Variants in RGS12 observed in about 807,000 individuals in gnomAD.
The protein encoded by RGS12 is regulator of G protein signaling 12, also known as regulator of G-protein signaling 12.
RGS12 carries 66 observed loss-of-function variants against 120.1 expected under a neutral mutation model. The ratio of observed to expected loss-of-function variants is 0.55; its 90% CI spans 0.45 to 0.67. The LOEUF is 0.67. RGS12 is among the 30% of genes least tolerant of loss of function. The pLI, the probability that RGS12 is intolerant of heterozygous loss-of-function variation, is 0.00. For synonymous variants in RGS12, 827 were observed against 804.7 expected, an observed-to-expected ratio of 1.03 and a Z score of -0.47; for missense variants, 1,859 against 1,957.7, an observed-to-expected ratio of 0.95 and a Z score of 0.95.
At chr4:3,360,243 G>A (rs1715427966) in intron 3 of RGS12, among the ~76,000 whole-genome samples, 1 of 152,112 alleles carries the variant, frequency 6.6e-6, no homozygotes, top group Non-Finnish European at 1.5e-5. Flanking sequence ...AGTAATTTGA[G>A]TCTTCTCTTT....
intron 2 of RGS12, among the ~76,000 whole-genome samples, chr4:3,332,120 A>T (rs569352225): frequency 1.3e-5 from 2 of 152,262 alleles, no homozygotes; most frequent in South Asian, 4.2e-4. Flanking sequence ...GAGGTAGAGG[A>T]TCCCTGAGCA....
intron 1 of RGS12, among the ~76,000 whole-genome samples, chr4:3,294,834 G>T (rs1017617116): frequency 4.6e-5 from 7 of 152,270 alleles, no homozygotes; most frequent in African/African-American, 1.7e-4. Flanking sequence ...CGACAGGGCA[G>T]TGGTGACCGG....
intron 1 of RGS12, among the ~76,000 whole-genome samples, chr4:3,299,209 A>G (rs1251804338): frequency 2.6e-5 from 4 of 151,976 alleles, no homozygotes. Flanking sequence ...CTCTCTGTGC[A>G]TGGATGGCTC....
At chr4:3,291,871 G>A (rs1723041514), upstream of RGS12, among the ~76,000 whole-genome samples, 1 of 152,182 alleles carries the variant, frequency 6.6e-6, no homozygotes, top group Non-Finnish European at 1.5e-5. Context: ...CTCTGCCAGC[G>A]GGAACCCTGC....
At position 3,365,189 on chromosome 4, in the gene RGS12, A is replaced by T. The variant is rs896387942; in HGVS notation, c.1999-21227A>T. The stretch of plus-strand genomic sequence containing the variant: ...GGATGTTCAGGGCCAGGGATGGCAG[A>T]CCGCAGTCCCCGGCCAGATCCACTG... On this transcript the variant is annotated intron_variant, in intron 3 of 17. Coordinates refer to ENST00000336727, the MANE Select transcript of RGS12 (RefSeq NM_001394154.1). This position sits in a 1 kb window ranked among gnomAD's most constrained non-coding sequence, Gnocchi z 4.0. 3.9e-5 allele frequency among the ~76,000 whole-genome samples: 6 copies of T among 152,280 alleles called. No individual in the cohort carries two copies. Among genetic ancestry groups the T allele is most frequent in the Middle Eastern group, 3.4e-3 (1 of 294 alleles).
chr4:3,392,277 A>G (rs1434520543), intron 4 of RGS12, among the ~76,000 whole-genome samples: 1 of 152,106 alleles, frequency 6.6e-6, no homozygotes, highest in Non-Finnish European at 1.5e-5. Context: ...AGCTTTTAAG[A>G]CTTTCTCCTT....
Position 3,428,105 on chromosome 4 carries a change from A to G in RGS12, c.3347A>G (p.Gln1116Arg), listed in dbSNP as rs771380830. The G allele has an allele frequency of 3.1e-6, 5 of 1,613,626 alleles. No individual in the cohort carries two copies. The highest frequency in any genetic ancestry group is 4.2e-6 in the Non-Finnish European group (5 of 1,179,828). ...PSRGKASADK[Q>R]KGVPVKQNTA... ...TTATGTTTAGCATCCGCAGATAAAC[A>G]GAAAGGTGTGCCAGTGAAACAGAAC... is the stretch of plus-strand genomic sequence containing the variant. The change falls in exon 15 of 18, where the codon CAG becomes CGG. Residue 1116 changes from glutamine (Q) to arginine (R), a missense_variant. Physicochemically the swap from Gln to Arg is conservative, Grantham distance 43. Transcript: ENST00000336727.
At chr4:3,310,942 C>G (rs1724359383) in intron 1 of RGS12, among the ~76,000 whole-genome samples, 1 of 152,226 alleles carries the variant, frequency 6.6e-6, no homozygotes. Flanking sequence ...TGCTGGTAGA[C>G]AAGTTACTTA....
At position 3,317,487 on chromosome 4, in the gene RGS12, T is replaced by C; in HGVS notation, c.1317T>C (p.Leu439=). ...FHQEEKSNRV[L]VVDLGGSSSR... ...AGGAGGAGAAGAGCAACCGGGTCCT[T>C]GTGGTGGACCTGGGTGGGAGCTCGA... Residue 439 remains leucine (L), a synonymous_variant, in exon 2 of 18, where the codon CTT becomes CTC. Coordinates refer to ENST00000336727, the MANE Select transcript of RGS12 (RefSeq NM_001394154.1). 1.2e-6 allele frequency: 2 copies of C among 1,613,662 alleles called. No individual in the cohort carries two copies. The highest frequency in any genetic ancestry group is 1.7e-6 in the Non-Finnish European group (2 of 1,179,992).
At chr4:3,357,041 C>T (rs1714962759) in intron 3 of RGS12, among the ~76,000 whole-genome samples, 1 of 152,182 alleles carries the variant, frequency 6.6e-6, no homozygotes, top group South Asian at 2.1e-4. Context: ...TTCTCCTTGA[C>T]AACAGCACTT....
intron 4 of RGS12, among the ~76,000 whole-genome samples, chr4:3,394,140 C>T (rs1319337861): frequency 1.3e-5 from 2 of 152,160 alleles, no homozygotes; most frequent in Non-Finnish European, 2.9e-5. Flanking sequence ...GGCATTTCAT[C>T]CGTCTGCTCC....
At chr4:3,362,806 A>T (rs1421875378) in intron 3 of RGS12, among the ~76,000 whole-genome samples, 3 of 134,404 alleles carry the variant, frequency 2.2e-5, no homozygotes, top group East Asian at 2.4e-4. Flanking sequence ...TGTGAATATG[A>T]GAGTGAGGGT....
At chr4:3,340,303 C>A (rs1346109079) in intron 2 of RGS12, among the ~76,000 whole-genome samples, 3 of 152,256 alleles carry the variant, frequency 2.0e-5, no homozygotes, top group Admixed American at 6.5e-5. Flanking sequence ...CGTCCCATGG[C>A]AGTCCCCTGG....
intron 1 of RGS12, among the ~76,000 whole-genome samples, chr4:3,302,863 AT>A (rs1723762001): frequency 6.6e-6 from 1 of 151,576 alleles, no homozygotes; most frequent in Non-Finnish European, 1.5e-5. Flanking sequence ...AGAGAGAGTG[AT>A]TTTTGCAAAT....
chr4:3,395,172 G>A (rs1464022750), intron 4 of RGS12, among the ~76,000 whole-genome samples: 1 of 151,416 alleles, frequency 6.6e-6, no homozygotes, highest in Non-Finnish European at 1.5e-5. Flanking sequence ...TTGCGCCACT[G>A]CACTCCAGCC....
At chr4:3,342,452 C>T in intron 2 of RGS12, 1 of 1,285,490 alleles carries the variant, frequency 7.8e-7, no homozygotes, top group Non-Finnish European at 1.0e-6. Context: ...GGTCTTCAGA[C>T]ACCAGCTGAA....
intron 11 of RGS12, 62 bp from the exon 12 acceptor site, chr4:3,422,843 G>T (rs1723173539): frequency 7.0e-7 from 1 of 1,418,584 alleles, no homozygotes; most frequent in East Asian, 2.3e-5. Context: ...TGGGGCACGT[G>T]GGTCTGCGTT....
chr4:3,297,949 C>G (rs1196965360), intron 1 of RGS12, among the ~76,000 whole-genome samples: 1 of 152,168 alleles, frequency 6.6e-6, no homozygotes, highest in Non-Finnish European at 1.5e-5. Context: ...CTTTATTTTA[C>G]TCTCCAATTA....
rs867102134 is a variant in RGS12 at position 3,358,973 on chromosome 4, C to T, written c.1998+15920C>T. On this transcript the variant is annotated intron_variant, in intron 3 of 17. Coordinates refer to ENST00000336727, the MANE Select transcript of RGS12 (RefSeq NM_001394154.1). ...CTCCCCTTCTTCCTCCTCCTCCCCT[C>T]CTCCCTCTCCTCCTACACCCTCCCC... Among the ~76,000 whole-genome samples the T allele has an allele frequency of 2.6e-3, 174 of 66,070 alleles. 2 individuals are homozygous for T. Among genetic ancestry groups the T allele is most frequent in the African/African-American group, 0.011 (154 of 13,660 alleles). The allele number at this position is 66,070 out of a possible 152,430, so 43.3% of individuals were successfully genotyped here.
Sources: gnomAD v4.1 joint callset for allele counts (sites outside exome capture counted in the v4.1 genomes callset) on GRCh38, gnomAD v4.1.1 for gene constraint, Gnocchi (gnomAD v3.1) non-coding constraint, MANE v1.5 for transcripts, NCBI Gene and HGNC (gene_info 2026-07-23, HGNC 2026-07-21) for gene names.